The following GARRE1 variants were observed in gnomAD, a reference collection of about 807,000 sequenced individuals.
GARRE1 encodes the protein granule associated Rac and RHOG effector 1, also known as granule associated Rac and RHOG effector protein 1.
GARRE1 carries 49 observed loss-of-function variants against 103.2 expected under a neutral mutation model. That is an observed-to-expected ratio of 0.47 (90% CI 0.38 to 0.60). GARRE1 has a LOEUF of 0.60. Ranked by LOEUF, GARRE1 falls within the 20% of genes least tolerant of loss-of-function variation. The pLI, the probability that GARRE1 is intolerant of heterozygous loss-of-function variation, is 0.00. For synonymous variants in GARRE1, 505 were observed against 532.8 expected (o/e 0.95, Z 0.72); for missense variants, 1,199 against 1,370.5 (o/e 0.87, Z 1.98).
intron 1 of GARRE1, among the ~76,000 whole-genome samples, chr19:34,274,327 C>T (rs1316887048): frequency 6.6e-6 from 1 of 152,032 alleles, no homozygotes; most frequent in Non-Finnish European, 1.5e-5. Context: ...ATCGCTTGAA[C>T]CCAGGAGGCG....
intron 7 of GARRE1, among the ~76,000 whole-genome samples, chr19:34,330,639 C>T (rs1048353779): frequency 6.6e-6 from 1 of 151,732 alleles, no homozygotes; most frequent in Non-Finnish European, 1.5e-5. Flanking sequence ...CCCCATGGCT[C>T]ATGCCTGTAG....
chr19:34,348,720 G>A (rs113875106), intron 11 of GARRE1: 11,938 of 352,916 alleles, frequency 0.034, 263 homozygotes, highest in Non-Finnish European at 0.042. Flanking sequence ...CGTCACCTAG[G>A]TATTAAGCCC....
chr19:34,283,830 C>CTTTTTTTTTTT (rs11335136), intron 1 of GARRE1, among the ~76,000 whole-genome samples: 2 of 117,256 alleles, frequency 1.7e-5, no homozygotes, highest in East Asian at 2.3e-4. Flanking sequence ...TTCTTTCTTT[C>CTTTTTTTTTTT]TTTTTTTTTT....
rs931656183 is a variant in GARRE1 at position 34,300,200 on chromosome 19, A to G, written c.-274A>G. 12 of 373,790 alleles carry G rather than the reference A, an allele frequency of 3.2e-5. No homozygotes were observed. Among genetic ancestry groups the G allele is most frequent in the African/African-American group, 2.3e-4 (11 of 48,296 alleles). 23.2% of individuals were successfully genotyped at this position (373,790 alleles called of 1,614,324 possible). Reference sequence around the variant, plus strand: ...TTTTTCTCAGCAAGCATATCCTTTTAGTAAGAGAGTGGAATGCTAAACAGT... The same window carrying G: ...TTTTTCTCAGCAAGCATATCCTTTTGGTAAGAGAGTGGAATGCTAAACAGT... On this transcript the variant is annotated 5_prime_UTR_variant, in exon 2 of 14. Transcript: ENST00000299505.
chr19:34,262,559 G>T (rs967322336), intron 1 of GARRE1, among the ~76,000 whole-genome samples: 7 of 151,976 alleles, frequency 4.6e-5, no homozygotes, highest in Non-Finnish European at 1.0e-4. Context: ...GCCTCCCAAG[G>T]TGCTGGGATT....
chr19:34,272,215 A>G (rs2073792151), intron 1 of GARRE1, among the ~76,000 whole-genome samples: 1 of 152,096 alleles, frequency 6.6e-6, no homozygotes, highest in Non-Finnish European at 1.5e-5. Flanking sequence ...GAAAGGTGAC[A>G]GGGTAAAACT....
chr19:34,326,294 C>A (rs538319296), intron 3 of GARRE1, among the ~76,000 whole-genome samples: 31 of 152,336 alleles, frequency 2.0e-4, no homozygotes, highest in Non-Finnish European at 4.0e-4. Flanking sequence ...GTAAATATTA[C>A]AACTCCTACA....
At chr19:34,288,114 G>T (rs1196416069) in intron 1 of GARRE1, among the ~76,000 whole-genome samples, 1 of 152,000 alleles carries the variant, frequency 6.6e-6, no homozygotes, top group Admixed American at 6.6e-5. Context: ...TTGGTCACCT[G>T]TTGGACCAAC....
chr19:34,289,849 G>GAGACT (rs1306225021), intron 1 of GARRE1, among the ~76,000 whole-genome samples: 1 of 152,200 alleles, frequency 6.6e-6, no homozygotes, highest in Non-Finnish European at 1.5e-5. Context: ...GTTTGATTCT[G>GAGACT]AGACTACATG....
intron 1 of GARRE1, among the ~76,000 whole-genome samples, chr19:34,283,636 T>G (rs1433502859): frequency 6.6e-6 from 1 of 152,178 alleles, no homozygotes; most frequent in African/African-American, 2.4e-5. Flanking sequence ...AAGCTGATCC[T>G]GACAGCCAAG....
At chr19:34,290,175 G>A (rs866087287) in intron 1 of GARRE1, among the ~76,000 whole-genome samples, 2 of 152,020 alleles carry the variant, frequency 1.3e-5, no homozygotes, top group South Asian at 2.1e-4. Context: ...TGGGGAACAT[G>A]GTGAAACCCA....
intron 1 of GARRE1, among the ~76,000 whole-genome samples, chr19:34,275,419 C>T (rs1408837137): frequency 6.6e-6 from 1 of 151,998 alleles, no homozygotes; most frequent in Non-Finnish European, 1.5e-5. Flanking sequence ...ACCCCCACCC[C>T]CAGCCTTAGG....
chr19:34,261,962 T>C (rs80232693), intron 1 of GARRE1, among the ~76,000 whole-genome samples: 6 of 152,242 alleles, frequency 3.9e-5, no homozygotes, highest in Middle Eastern at 3.4e-3. Flanking sequence ...TGTGGCATCA[T>C]GTCACATGTC....
chr19:34,312,653 G>A (rs1028815131), intron 2 of GARRE1, among the ~76,000 whole-genome samples: 2 of 152,146 alleles, frequency 1.3e-5, no homozygotes, highest in Admixed American at 6.5e-5. Context: ...GTGGCCGGGC[G>A]CGGTGGCTCA....
chr19:34,306,937 G>C (rs533587925), intron 2 of GARRE1, among the ~76,000 whole-genome samples: 2 of 152,154 alleles, frequency 1.3e-5, no homozygotes, highest in Admixed American at 6.5e-5. Flanking sequence ...GTTAGAAAAG[G>C]TACCACTGAG....
chr19:34,334,696 C>CAAA (rs201914309), intron 8 of GARRE1, among the ~76,000 whole-genome samples: 4 of 117,566 alleles, frequency 3.4e-5, no homozygotes, highest in Middle Eastern at 4.2e-3. Flanking sequence ...AAAACTATCT[C>CAAA]AAAAAAAAAA....
intron 1 of GARRE1, among the ~76,000 whole-genome samples, chr19:34,281,321 C>CA (rs1265067875): frequency 6.6e-6 from 1 of 152,166 alleles, no homozygotes; most frequent in African/African-American, 2.4e-5. Context: ...GATGGAGTCT[C>CA]ACTCTGTCAC....
At chr19:34,324,715 C>T (rs1306646480) in intron 3 of GARRE1, among the ~76,000 whole-genome samples, 1 of 152,002 alleles carries the variant, frequency 6.6e-6, no homozygotes, top group Admixed American at 6.6e-5. Context: ...GCTATGTTCC[C>T]AGGCCGGTCC....
intron 1 of GARRE1, among the ~76,000 whole-genome samples, chr19:34,294,546 C>T (rs1263539971): frequency 6.6e-6 from 1 of 151,654 alleles, no homozygotes; most frequent in African/African-American, 2.4e-5. Flanking sequence ...TCTTTTAGTT[C>T]TTTGAACATA....
Sources: allele counts gnomAD v4.1 joint callset (sites outside exome capture counted in the v4.1 genomes callset), GRCh38; gene constraint gnomAD v4.1.1; transcripts MANE v1.5; gene names NCBI Gene and HGNC (gene_info 2026-07-23, HGNC 2026-07-21).